LRRTM4: variants seen among roughly 807,000 people sequenced by gnomAD.
LRRTM4 encodes leucine-rich repeat transmembrane neuronal protein 4.
Under a neutral mutation model 47.6 loss-of-function variants are expected in LRRTM4, and 25 were observed. That is an observed-to-expected ratio of 0.53 (90% confidence interval 0.38 to 0.73). The LOEUF (loss-of-function observed/expected upper bound fraction) is 0.73, where lower values mean the gene tolerates loss of function less well. Ranked by LOEUF, LRRTM4 falls within the 30% of genes least tolerant of loss-of-function variation. The pLI, the probability that LRRTM4 is intolerant of heterozygous loss-of-function variation, is 0.00. For synonymous variants in LRRTM4, 311 were observed against 269.5 expected, an observed-to-expected ratio of 1.15 and a Z score of -1.51; for missense variants, 638 against 713.4, an observed-to-expected ratio of 0.89 and a Z score of 1.20.
At chr2:77,435,215 G>C (rs1245021789) in intron 3 of LRRTM4, among the ~76,000 whole-genome samples, 4 of 152,206 alleles carry the variant, frequency 2.6e-5, no homozygotes, top group Non-Finnish European at 4.4e-5. Context: ...GAGTGACTGA[G>C]TGGCCAAAGG....
intron 3 of LRRTM4, among the ~76,000 whole-genome samples, chr2:77,032,022 G>A (rs1192689379): frequency 6.6e-6 from 1 of 152,008 alleles, no homozygotes; most frequent in Non-Finnish European, 1.5e-5. Flanking sequence ...TTAAGAATCT[G>A]ATCTTTGTTC....
At chr2:77,271,665 G>T (rs1175440184) in intron 3 of LRRTM4, among the ~76,000 whole-genome samples, 3 of 152,170 alleles carry the variant, frequency 2.0e-5, no homozygotes, top group Non-Finnish European at 4.4e-5. Context: ...GACTTCTGCT[G>T]TTCCCCCTCT....
chr2:77,327,775 G>A (rs1362803716), intron 3 of LRRTM4, among the ~76,000 whole-genome samples: 21 of 151,502 alleles, frequency 1.4e-4, no homozygotes, highest in Admixed American at 1.4e-3. Context: ...TACAATAGCT[G>A]GTGTGTAGAA....
chr2:76,761,445 A>G (rs760484336), intron 3 of LRRTM4, among the ~76,000 whole-genome samples: 3 of 152,144 alleles, frequency 2.0e-5, no homozygotes, highest in Non-Finnish European at 2.9e-5. Context: ...GTTAGGTGCA[A>G]TTCAGTTGGG....
At chr2:77,422,010 C>T (rs1674916206) in intron 3 of LRRTM4, among the ~76,000 whole-genome samples, 1 of 152,138 alleles carries the variant, frequency 6.6e-6, no homozygotes, top group Admixed American at 6.5e-5. Context: ...AGTTCAGTAA[C>T]ATGCTGGGCA....
At chr2:77,271,702 A>G (rs1025192718) in intron 3 of LRRTM4, among the ~76,000 whole-genome samples, 4 of 152,162 alleles carry the variant, frequency 2.6e-5, no homozygotes, top group East Asian at 3.9e-4. Flanking sequence ...TGCTACTCAG[A>G]TTAAAGTTTC....
chr2:77,013,340 T>C (rs1224384673), intron 3 of LRRTM4, among the ~76,000 whole-genome samples: 1 of 152,136 alleles, frequency 6.6e-6, no homozygotes, highest in Non-Finnish European at 1.5e-5. Context: ...AAAGTGATTG[T>C]CATTCTCCCT....
chr2:77,212,356 A>C (rs1282239573), intron 3 of LRRTM4, among the ~76,000 whole-genome samples: 13 of 15,172 alleles, frequency 8.6e-4, no homozygotes, highest in Non-Finnish European at 1.4e-3. Context: ...TTAACTCATG[A>C]TATATATATA....
chr2:77,305,891 C>T (rs2104177710), intron 3 of LRRTM4, among the ~76,000 whole-genome samples: 1 of 152,116 alleles, frequency 6.6e-6, no homozygotes, highest in South Asian at 2.1e-4. Flanking sequence ...ACTGATTCAG[C>T]ATACAATATT....
At chr2:77,028,222 C>T (rs367709703) in intron 3 of LRRTM4, among the ~76,000 whole-genome samples, 25 of 152,124 alleles carry the variant, frequency 1.6e-4, no homozygotes, top group African/African-American at 3.9e-4. Flanking sequence ...CAGAACGTAG[C>T]GCATGACTCA....
intron 3 of LRRTM4, among the ~76,000 whole-genome samples, chr2:77,420,304 C>A (rs781227954): frequency 6.6e-6 from 1 of 152,150 alleles, no homozygotes. Context: ...AGAAGTCATG[C>A]TCTTTTGGTA....
chr2:76,993,724 T>C (rs751675100), intron 3 of LRRTM4, among the ~76,000 whole-genome samples: 1 of 151,898 alleles, frequency 6.6e-6, no homozygotes, highest in South Asian at 2.1e-4. Context: ...AAAATAGAAC[T>C]ACTATTCCAC....
intron 3 of LRRTM4, among the ~76,000 whole-genome samples, chr2:77,199,510 G>A (rs1673918220): frequency 6.6e-6 from 1 of 151,816 alleles, no homozygotes; most frequent in Admixed American, 6.6e-5. Flanking sequence ...GTTTTGTTTT[G>A]TTTTGTTTCC....
At chr2:77,027,337 G>A (rs1678489580) in intron 3 of LRRTM4, among the ~76,000 whole-genome samples, 1 of 152,096 alleles carries the variant, frequency 6.6e-6, no homozygotes, top group Non-Finnish European at 1.5e-5. Flanking sequence ...AATAAAAAAA[G>A]AACTCATAAA....
intron 3 of LRRTM4, among the ~76,000 whole-genome samples, chr2:77,502,310 G>A (rs1678599482): frequency 6.6e-6 from 1 of 151,088 alleles, no homozygotes; most frequent in Non-Finnish European, 1.5e-5. Flanking sequence ...TTGCTTTTAT[G>A]TATTTTATCA....
intron 3 of LRRTM4, among the ~76,000 whole-genome samples, chr2:76,948,603 A>G (rs1675400390): frequency 6.6e-6 from 1 of 151,836 alleles, no homozygotes. Flanking sequence ...AACAGCTCTT[A>G]TACATCTAAA....
chr2:76,807,813 C>G (rs113197243), intron 3 of LRRTM4, among the ~76,000 whole-genome samples: 5,350 of 151,668 alleles, frequency 0.035, 286 homozygotes, highest in African/African-American at 0.12. Flanking sequence ...CAACTCCTGA[C>G]CTCGTGATCC....
At chr2:76,803,941 C>G (rs1383573316) in intron 3 of LRRTM4, among the ~76,000 whole-genome samples, 1 of 152,234 alleles carries the variant, frequency 6.6e-6, no homozygotes, top group Non-Finnish European at 1.5e-5. Context: ...AACTTGAAGA[C>G]TGAGTCTCTA....
At chr2:77,423,624 A>G (rs1674989628) in intron 3 of LRRTM4, among the ~76,000 whole-genome samples, 1 of 152,188 alleles carries the variant, frequency 6.6e-6, no homozygotes, top group Non-Finnish European at 1.5e-5. Context: ...TCTGAGGGCC[A>G]GACTGGAATA....
Sources: gnomAD v4.1 joint callset for allele counts (sites outside exome capture counted in the v4.1 genomes callset) on GRCh38, gnomAD v4.1.1 for gene constraint, MANE v1.5 for transcripts, NCBI Gene and HGNC (gene_info 2026-07-23, HGNC 2026-07-21) for gene names.